The following FGGY variants were observed in gnomAD, a reference collection of about 807,000 sequenced individuals.
FGGY encodes the protein FGGY carbohydrate kinase domain-containing protein.
Under a neutral mutation model 71.3 loss-of-function variants are expected in FGGY, and 72 were observed. The observed-to-expected ratio is 1.01, with a 90% CI of 0.84 to 1.23. The LOEUF is 1.23. Ranked by LOEUF, FGGY falls within the 50% of genes most tolerant of loss-of-function variation. The pLI is 0.00. For synonymous variants in FGGY, 251 were observed against 250.3 expected (o/e 1.00, Z -0.02); for missense variants, 668 against 682.3 (o/e 0.98, Z 0.23).
rs146289407 is a variant in FGGY at position 59,628,666 on chromosome 1, G to T, written c.1073+2617G>T. Reference sequence around the variant, plus strand: ...TAAAAAGTCTAAAAAATAATGAATGGATTTTCATGCTGATAATGCTTAGTT... The same window carrying T: ...TAAAAAGTCTAAAAAATAATGAATGTATTTTCATGCTGATAATGCTTAGTT... On this transcript the variant is annotated intron_variant, in intron 10 of 15. Coordinates refer to ENST00000303721, the MANE Select transcript of FGGY (RefSeq NM_018291.5). 9.4e-3 allele frequency among the ~76,000 whole-genome samples: 1,429 copies of T among 152,228 alleles called. 25 individuals carry two copies. Among genetic ancestry groups the T allele is most frequent in the African/African-American group, 0.033 (1,377 of 41,540 alleles).
chr1:59,363,855 G>A (rs2056080497), intron 4 of FGGY, among the ~76,000 whole-genome samples: 1 of 152,192 alleles, frequency 6.6e-6, no homozygotes, highest in Non-Finnish European at 1.5e-5. Flanking sequence ...ATAAGGAAGA[G>A]TTTAAGTTGT....
intron 6 of FGGY, among the ~76,000 whole-genome samples, chr1:59,459,484 G>T (rs2091992677): frequency 6.6e-6 from 1 of 152,128 alleles, no homozygotes; most frequent in Admixed American, 6.5e-5. Context: ...AGTTGAAACT[G>T]TACAAGTTGA....
intron 7 of FGGY, among the ~76,000 whole-genome samples, chr1:59,523,083 C>T (rs772824254): frequency 6.6e-6 from 1 of 151,990 alleles, no homozygotes; most frequent in Non-Finnish European, 1.5e-5. Context: ...GGAACAAAAA[C>T]AAAAAAACAC....
intron 1 of FGGY, among the ~76,000 whole-genome samples, chr1:59,297,816 G>GAAA (rs35768218): frequency 2.7e-4 from 36 of 135,044 alleles, no homozygotes; most frequent in Non-Finnish European, 3.1e-4. Context: ...GAGCGTCTCA[G>GAAA]AAAAAAAAAA....
In FGGY at chr1:59,627,489, T is replaced by TATAC. The variant is rs1469493501; in HGVS notation, c.1073+1441_1073+1442insTACA. ...ATATATATATATATATATATATATA[T>TATAC]ACACACACACACACACACACAGCTG... On this transcript the variant is annotated intron_variant, in intron 10 of 15. Transcript: ENST00000303721. Among the ~76,000 whole-genome samples the TATAC allele has an allele frequency of 8.4e-3, 780 of 92,660 alleles. 8 individuals carry two copies. Among genetic ancestry groups the TATAC allele is most frequent in the African/African-American group, 0.036 (698 of 19,522 alleles). The allele number at this position is 92,660 out of a possible 152,430, so 60.8% of individuals were successfully genotyped here. A position where few individuals can be genotyped will look rare whatever the true frequency, so the allele number is the denominator to read the frequency against.
intron 14 of FGGY, among the ~76,000 whole-genome samples, chr1:59,695,669 G>A (rs2097651387): frequency 6.6e-6 from 1 of 152,170 alleles, no homozygotes; most frequent in Non-Finnish European, 1.5e-5. Context: ...CATGTAGTTA[G>A]TACAAAACCA....
chr1:59,422,419 C>T (rs189309801), intron 5 of FGGY, among the ~76,000 whole-genome samples: 5 of 152,172 alleles, frequency 3.3e-5, no homozygotes, highest in African/African-American at 9.6e-5. Context: ...CTGGGCTGGG[C>T]GTGGTGATTC....
intron 14 of FGGY, among the ~76,000 whole-genome samples, chr1:59,693,732 C>T (rs1274974832): frequency 6.6e-6 from 1 of 152,114 alleles, no homozygotes; most frequent in Non-Finnish European, 1.5e-5. Flanking sequence ...GCTGGCCAGG[C>T]TCGGTGGCTC....
chr1:59,697,696 A>G, intron 14 of FGGY: 1 of 1,303,598 alleles, frequency 7.7e-7, no homozygotes, highest in Non-Finnish European at 1.0e-6. Flanking sequence ...AATGGGAAGC[A>G]GTATTTGAGA....
At chr1:59,484,012 G>T (rs1247449435) in intron 6 of FGGY, among the ~76,000 whole-genome samples, 2 of 152,302 alleles carry the variant, frequency 1.3e-5, no homozygotes, top group South Asian at 2.1e-4. Flanking sequence ...GCCAGGGACT[G>T]TCGCCAAACA....
At chr1:59,746,033 A>G (rs1218790364) in intron 14 of FGGY, among the ~76,000 whole-genome samples, 7 of 152,178 alleles carry the variant, frequency 4.6e-5, no homozygotes, top group Non-Finnish European at 1.0e-4. Context: ...GAAACCGTCT[A>G]ACAGTGGAAC....
At chr1:59,568,791 G>T (rs1377183897) in intron 8 of FGGY, among the ~76,000 whole-genome samples, 1 of 152,098 alleles carries the variant, frequency 6.6e-6, no homozygotes, top group Non-Finnish European at 1.5e-5. Flanking sequence ...TAAACTCCTT[G>T]AGTAGTTGGG....
chr1:59,724,186 TC>T (rs1232509173), intron 14 of FGGY, among the ~76,000 whole-genome samples: 3 of 146,896 alleles, frequency 2.0e-5, no homozygotes, highest in Non-Finnish European at 3.0e-5. Flanking sequence ...AAGTTAAAAA[TC>T]CCCCGTGTTG....
intron 14 of FGGY, among the ~76,000 whole-genome samples, chr1:59,682,616 A>G (rs2097511797): frequency 6.6e-6 from 1 of 152,178 alleles, no homozygotes; most frequent in Admixed American, 6.5e-5. Flanking sequence ...TGCACTGTTA[A>G]CCCTATTCTC....
rs577046106 is a variant in FGGY at position 59,301,417 on chromosome 1, C to A, written c.-15+4267C>A. Among the ~76,000 whole-genome samples, 5 of 152,252 alleles carry A rather than the reference C, an allele frequency of 3.3e-5. No individual in the cohort carries two copies. The South Asian group carries it at 1.0e-3, about 32-fold the overall frequency. On this transcript the variant is annotated intron_variant, in intron 1 of 15. Transcript: ENST00000303721. ...TCTGTAAATAAAGATAGTTTTACTT[C>A]CTTTCCGATGAGATTGCCTTTTATT... is the stretch of plus-strand genomic sequence containing the variant.
At chr1:59,591,521 C>A (rs991172199) in intron 8 of FGGY, among the ~76,000 whole-genome samples, 3 of 152,186 alleles carry the variant, frequency 2.0e-5, no homozygotes, top group South Asian at 2.1e-4. Context: ...AGGCATCACG[C>A]TACCTGACTT....
intron 5 of FGGY, among the ~76,000 whole-genome samples, chr1:59,430,559 A>G (rs1350624558): frequency 1.3e-5 from 2 of 152,128 alleles, no homozygotes; most frequent in Admixed American, 6.6e-5. Flanking sequence ...ATTTTTTCTC[A>G]TAAGGGCCCA....
chr1:59,405,654 C>G (rs1246839477), intron 5 of FGGY, among the ~76,000 whole-genome samples: 1 of 152,048 alleles, frequency 6.6e-6, no homozygotes, highest in Non-Finnish European at 1.5e-5. Flanking sequence ...TCCAGGCTAA[C>G]CTGTCCCATG....
chr1:59,444,318 G>A (rs905495494), intron 5 of FGGY, among the ~76,000 whole-genome samples: 3 of 152,006 alleles, frequency 2.0e-5, no homozygotes, highest in Non-Finnish European at 4.4e-5. Context: ...ATATTCATGG[G>A]GTACATAGCA....
Sources: gnomAD v4.1 joint callset for allele counts (sites outside exome capture counted in the v4.1 genomes callset) on GRCh38, gnomAD v4.1.1 for gene constraint, MANE v1.5 for transcripts, NCBI Gene and HGNC (gene_info 2026-07-23, HGNC 2026-07-21) for gene names.